Variants in SYNE1 observed in about 807,000 individuals in gnomAD.
SYNE1 encodes spectrin repeat containing nuclear envelope protein 1, also known as nesprin-1.
In SYNE1, 616 loss-of-function variants were observed where a neutral mutation model predicts 1,111.0. The observed-to-expected ratio is 0.55, with a 90% CI of 0.52 to 0.59. The LOEUF (loss-of-function observed/expected upper bound fraction) is 0.59. SYNE1 is among the 20% of genes least tolerant of loss of function. The pLI, the probability that SYNE1 is intolerant of heterozygous loss-of-function variation, is 0.00. For synonymous variants in SYNE1, 3,855 were observed against 3,825.8 expected (o/e 1.01, Z -0.28); for missense variants, 10,006 against 10,417.0 (o/e 0.96, Z 1.72).
chr6:152,389,643 G>C (rs1008482668), intron 53 of SYNE1, among the ~76,000 whole-genome samples: 2 of 152,098 alleles, frequency 1.3e-5, no homozygotes, highest in East Asian at 1.9e-4. Context: ...AACAATCAAG[G>C]ACTTCCCTGC....
intron 3 of SYNE1, among the ~76,000 whole-genome samples, chr6:152,548,069 G>A (rs2099323021): frequency 6.6e-6 from 1 of 152,148 alleles, no homozygotes; most frequent in African/African-American, 2.4e-5. Context: ...TTAAGGTAGT[G>A]CCCAGTTGAC....
chr6:152,318,195 G>T lies in SYNE1; in HGVS notation c.16458C>A (p.Phe5486Leu), dbSNP rs147490145. 2 of 1,613,982 alleles carry T rather than the reference G, an allele frequency of 1.2e-6. No individual in the cohort carries two copies. The highest frequency in any genetic ancestry group is 1.1e-5 in the South Asian group (1 of 91,086). The change falls in exon 86 of 146, where the codon TTC (phenylalanine) becomes TTA (leucine). Residue 5486 changes from phenylalanine (F) to leucine (L), a missense_variant. This residue lies in a region of SYNE1 where 4,955 missense variants were observed against 5,017.2 expected (regional missense o/e 0.99). Transcript: ENST00000367255. ...TACCCAGTTGGCCATTCTGTTCCAA[G>T]AATTTCTGTACTGCTGCATCTAATT... ...LMELDAAVQK[F>L]LEQNGQLGKP...
At chr6:152,532,427 A>G (rs895925961) in intron 4 of SYNE1, among the ~76,000 whole-genome samples, 5 of 152,204 alleles carry the variant, frequency 3.3e-5, no homozygotes, top group Non-Finnish European at 4.4e-5. Context: ...TTAAACTACT[A>G]AACACATATC....
rs1007698071 is a variant in SYNE1 at position 152,239,791 on chromosome 6, G to T, written c.19894-85C>A. 17 of 1,435,756 alleles carry T rather than the reference G, an allele frequency of 1.2e-5. No individual in the cohort carries two copies. In the African/African-American group the frequency reaches 1.8e-4, roughly 15 times the overall value. The allele number at this position is 1,435,756 out of a possible 1,614,324, so 88.9% of individuals were successfully genotyped here. A position where few individuals can be genotyped will look rare whatever the true frequency, so the allele number is the denominator to read the frequency against. ...AATTGGTTTAGGGCCGGGTGCGGTG[G>T]CTCACGCCTGTAATCCCAACAGTTG... is the stretch of plus-strand genomic sequence containing the variant. On this transcript the variant is annotated intron_variant, in intron 107 of 145. Transcript: ENST00000367255.
chr6:152,155,098 G>A, intron 132 of SYNE1, 56 bp from the exon 133 acceptor site: 1 of 1,607,970 alleles, frequency 6.2e-7, no homozygotes, highest in South Asian at 1.1e-5. Context: ...TTTCGCTCCA[G>A]AACCCGGTCT....
chr6:152,264,393 CA>C (rs1370998337), intron 100 of SYNE1, among the ~76,000 whole-genome samples: 1 of 151,364 alleles, frequency 6.6e-6, no homozygotes, highest in Non-Finnish European at 1.5e-5. Flanking sequence ...AAAAGAATAA[CA>C]AGTGTGTTGG....
rs1263999048 is a variant in SYNE1, at chr6:152,233,878, A to C, written c.20615T>G (p.Val6872Gly). The C allele has an allele frequency of 1.9e-6, 3 of 1,614,050 alleles. No homozygotes were observed. The South Asian group carries it at 3.3e-5, about 18-fold the overall frequency. ...TGNQLLRLKKVDTATLRSELS... is the reference protein window; with the variant it reads ...TGNQLLRLKKGDTATLRSELS... ...CTCAGAGCGCAGCGTGGCTGTGTCC[A>C]CCTTTTTTAGTCGAAGGAGCTGATT... is the stretch of plus-strand genomic sequence containing the variant. The change falls in exon 112 of 146, where the codon GTG becomes GGG. Residue 6872 changes from valine (V) to glycine (G), a missense_variant. Coordinates refer to ENST00000367255, the MANE Select transcript of SYNE1 (RefSeq NM_182961.4).
At chr6:152,579,414 T>C (rs1482020846) in intron 3 of SYNE1, among the ~76,000 whole-genome samples, 2 of 152,236 alleles carry the variant, frequency 1.3e-5, no homozygotes, top group African/African-American at 4.8e-5. Flanking sequence ...AGCTAAAGTC[T>C]CAGCCACAGG....
intron 58 of SYNE1, 184 bp downstream of exon 58, chr6:152,376,197 C>G: frequency 1.6e-6 from 1 of 610,934 alleles, no homozygotes; most frequent in South Asian, 1.9e-5. Context: ...GCTGATCTGA[C>G]AGGAGGTGGA....
intron 75 of SYNE1, among the ~76,000 whole-genome samples, chr6:152,337,424 G>T (rs2153991757): frequency 6.6e-6 from 1 of 152,212 alleles, no homozygotes; most frequent in Admixed American, 6.5e-5. Context: ...TGAGTAGCTG[G>T]GATTACAGGC....
chr6:152,492,303 G>T (rs1310711831), intron 11 of SYNE1, among the ~76,000 whole-genome samples: 1 of 152,278 alleles, frequency 6.6e-6, no homozygotes, highest in Middle Eastern at 3.4e-3. Flanking sequence ...AATCAATCTC[G>T]CCTTCAAGGT....
At position 152,539,977 on chromosome 6, in the gene SYNE1, T is replaced by C; in HGVS notation, c.112A>G (p.Asn38Asp). The C allele has an allele frequency of 6.2e-7, 1 of 1,613,966 alleles. No homozygotes were observed. The highest frequency in any genetic ancestry group is 8.5e-7 in the Non-Finnish European group (1 of 1,179,912). ...VQKRTFTKWI[N>D]SHLAKRKPPM... ...TCCTTTACCTTGGCCAGATGAGAGT[T>C]GATCCATTTTGTGAAAGTTCGTTTT... Residue 38 changes from asparagine (N) to aspartate (D), a missense_variant, in exon 4 of 146, where the codon AAC (asparagine) becomes GAC (aspartate). Asn to Asp is a conservative substitution (Grantham distance 23). This residue lies in a region of SYNE1 where 1,971 missense variants were observed against 2,084.1 expected (regional missense o/e 0.95). Coordinates refer to ENST00000367255, the MANE Select transcript of SYNE1 (RefSeq NM_182961.4).
intron 6 of SYNE1, among the ~76,000 whole-genome samples, chr6:152,516,785 C>A (rs1480478704): frequency 6.6e-6 from 1 of 152,004 alleles, no homozygotes; most frequent in Admixed American, 6.6e-5. Flanking sequence ...AAGGTCTCAC[C>A]ATGTTGCCCA....
At chr6:152,203,079 C>G (rs1379497631) in intron 126 of SYNE1, among the ~76,000 whole-genome samples, 1 of 152,104 alleles carries the variant, frequency 6.6e-6, no homozygotes, top group Non-Finnish European at 1.5e-5. Context: ...AATAAAACAT[C>G]TATTGTGTGG....
chr6:152,203,435 C>T (rs1209384678), intron 126 of SYNE1, among the ~76,000 whole-genome samples: 1 of 152,120 alleles, frequency 6.6e-6, no homozygotes, highest in South Asian at 2.1e-4. Context: ...CCAGGCCTTC[C>T]TGCTCCCCAC....
chr6:152,390,718 A>T (rs573697652), intron 52 of SYNE1, among the ~76,000 whole-genome samples: 3 of 152,330 alleles, frequency 2.0e-5, no homozygotes, highest in East Asian at 3.9e-4. Context: ...CTTCAGTTTC[A>T]AAGAGTGAAA....
intron 76 of SYNE1, chr6:152,335,925 G>A (rs1433193076): frequency 1.3e-5 from 2 of 151,928 alleles, no homozygotes; most frequent in Non-Finnish European, 2.9e-5. Context: ...GGCCTCAAGT[G>A]ATCTGCCCAC....
chr6:152,355,140 C>T (rs566888142), intron 66 of SYNE1, among the ~76,000 whole-genome samples, 164 bp from the exon 67 acceptor site: 34 of 152,214 alleles, frequency 2.2e-4, no homozygotes, highest in South Asian at 6.2e-4. Flanking sequence ...ATATTTTCTC[C>T]GAAGTCAGAA....
At chr6:152,258,483 A>G (rs978594272) in intron 101 of SYNE1, among the ~76,000 whole-genome samples, 1 of 152,198 alleles carries the variant, frequency 6.6e-6, no homozygotes, top group African/African-American at 2.4e-5. Flanking sequence ...TTGACTAAAT[A>G]AAGTTATTAG....
Sources: allele counts gnomAD v4.1 joint callset (sites outside exome capture counted in the v4.1 genomes callset), GRCh38; gene constraint gnomAD v4.1.1; regional missense constraint gnomAD v4.1.1; transcripts MANE v1.5; gene names NCBI Gene and HGNC (gene_info 2026-07-23, HGNC 2026-07-21).